TOE1: variants seen among roughly 807,000 people sequenced by gnomAD.
The protein encoded by TOE1 is target of EGR1, exonuclease.
A neutral mutation model predicts 49.2 loss-of-function variants in TOE1; 50 were observed. The ratio of observed to expected loss-of-function variants is 1.02; its 90% CI spans 0.81 to 1.29. TOE1 has a LOEUF of 1.29. TOE1 is among the 50% of genes most tolerant of loss of function. The pLI is 0.00. For synonymous variants in TOE1, 221 were observed against 247.0 expected (o/e 0.89, Z 0.99); for missense variants, 544 against 654.4 (o/e 0.83, Z 1.84).
Position 45,340,302 on chromosome 1 carries a change from A to C in TOE1, c.50A>C (p.Asp17Ala). Residue 17 changes from aspartate to alanine, a missense_variant and splice_region_variant, in exon 1 of 8, where the codon GAC (aspartate) becomes GCC (alanine). Transcript: ENST00000372090. ...DGAVSAPAASDGGVSKSTTSG... is the reference protein window; with the variant it reads ...DGAVSAPAASAGGVSKSTTSG... ...GCAGTTTCAGCTCCCGCAGCTTCCGACGGTGAGCGGCTTCCCAGAGGTAGC... is the reference window on the plus strand; with the variant it reads ...GCAGTTTCAGCTCCCGCAGCTTCCGCCGGTGAGCGGCTTCCCAGAGGTAGC... The C allele has an allele frequency of 6.2e-7, 1 of 1,612,776 alleles. No homozygotes were observed. Among genetic ancestry groups the C allele is most frequent in the Non-Finnish European group, 8.5e-7 (1 of 1,179,666 alleles).
chr1:45,340,362 C>A (rs1646844076), intron 1 of TOE1, 58 bp downstream of exon 1: 2 of 1,571,526 alleles, frequency 1.3e-6, no homozygotes, highest in Non-Finnish European at 1.7e-6. Context: ...GAGGGGAAGG[C>A]CTCGGGCTCA....
At chr1:45,341,380 C>T in intron 3 of TOE1, 37 bp downstream of exon 3, 1 of 1,614,118 alleles carries the variant, frequency 6.2e-7, no homozygotes, top group Non-Finnish European at 8.5e-7. Flanking sequence ...TGCCAGCCCT[C>T]AACTGTGGAG....
rs1156359455 is a variant in TOE1 at position 45,343,364 on chromosome 1, A to C, written c.1195A>C (p.Asn399His). The C allele has an allele frequency of 3.7e-6, 6 of 1,613,968 alleles. No individual in the cohort carries two copies. The highest frequency in any genetic ancestry group is 5.1e-6 in the Non-Finnish European group (6 of 1,180,034). Reference sequence around the variant, plus strand: ...GAACCTGCCTCACTCCAAGCAAGGCAACAAAAATGACTTAGAGATGGGGAT... The same window carrying C: ...GAACCTGCCTCACTCCAAGCAAGGCCACAAAAATGACTTAGAGATGGGGAT... ...TRNLPHSKQG[N>H]KNDLEMGIKA... Residue 399 changes from asparagine (N) to histidine (H), a missense_variant, in exon 8 of 8, where the codon AAC becomes CAC. Transcript: ENST00000372090. The surrounding 1 kb of genome is among the most constrained non-coding windows in gnomAD (Gnocchi z 4.3).
Position 45,343,306 on chromosome 1 carries a change from A to C in TOE1, c.1137A>C (p.Glu379Asp). The C allele has an allele frequency of 6.2e-7, 1 of 1,614,004 alleles. No individual in the cohort carries two copies. The highest frequency in any genetic ancestry group is 1.1e-5 in the South Asian group (1 of 91,080). ...QVCGDSIKPEETEQEVAADET... is the reference protein window; with the variant it reads ...QVCGDSIKPEDTEQEVAADET... ...GTGGGGATAGCATCAAGCCTGAAGAAACCGAGCAGGAGGTGGCTGCCGATG... is the reference window on the plus strand; with the variant it reads ...GTGGGGATAGCATCAAGCCTGAAGACACCGAGCAGGAGGTGGCTGCCGATG... The change falls in exon 8 of 8, where the codon GAA (glutamate) becomes GAC (aspartate). Residue 379 changes from glutamate (E) to aspartate (D), a missense_variant. Glu to Asp is a conservative substitution (Grantham distance 45). Transcript: ENST00000372090. This position sits in a 1 kb window ranked among gnomAD's most constrained non-coding sequence, Gnocchi z 4.3.
In TOE1 at chr1:45,343,851, G is replaced by C. The variant is rs1020508400; in HGVS notation, c.*149G>C. On this transcript the variant is annotated 3_prime_UTR_variant, in exon 8 of 8. Coordinates refer to ENST00000372090, the MANE Select transcript of TOE1 (RefSeq NM_025077.4). The surrounding 1 kb of genome is among the most constrained non-coding windows in gnomAD (Gnocchi z 4.3). ...GCCCTGGACCGCCTCCTTTATCCCA[G>C]TGTTTGAGGTACAAGTAAGAAGGCT... 14 of 865,584 alleles carry C rather than the reference G, an allele frequency of 1.6e-5. No homozygotes were observed. Among genetic ancestry groups the C allele is most frequent in the Non-Finnish European group, 2.5e-5 (14 of 568,012 alleles). The allele number at this position is 865,584 out of a possible 1,614,324, so 53.6% of individuals were successfully genotyped here. A position where few individuals can be genotyped will look rare whatever the true frequency, so the allele number is the denominator to read the frequency against.
chr1:45,342,118 A>C lies in TOE1; in HGVS notation c.492+11A>C. The stretch of plus-strand genomic sequence containing the variant: ...AAGGGCAATGACAAGGTAGGCCTCT[A>C]GCCTCCCTAGCCTTGAGTCTGCCCT... On this transcript the variant is annotated intron_variant, in intron 5 of 7. Transcript: ENST00000372090. The C allele has an allele frequency of 6.2e-7, 1 of 1,612,864 alleles. No homozygotes were observed. Among genetic ancestry groups the C allele is most frequent in the Non-Finnish European group, 8.5e-7 (1 of 1,179,328 alleles).
intron 1 of TOE1, 65 bp from the exon 2 acceptor site, chr1:45,341,008 C>T (rs1467131177): frequency 1.2e-6 from 2 of 1,606,954 alleles, no homozygotes; most frequent in East Asian, 4.5e-5. Context: ...CGTGGCCTAG[C>T]TTGGTGTCTG....
intron 3 of TOE1, 45 bp from the exon 4 acceptor site, chr1:45,341,428 T>C (rs1646964190): frequency 3.1e-6 from 5 of 1,614,000 alleles, no homozygotes; most frequent in Non-Finnish European, 4.2e-6. Context: ...GGGTCCTTCA[T>C]AAGGCTAACT....
chr1:45,341,900 T>C (rs1189978878), intron 4 of TOE1, 49 bp from the exon 5 acceptor site: 1 of 1,596,438 alleles, frequency 6.3e-7, no homozygotes, highest in African/African-American at 1.3e-5. Context: ...TGCATCCTCC[T>C]AGCTTGGCTC....
At chr1:45,340,559 G>A (rs1417670325) in intron 1 of TOE1, 3 of 1,377,224 alleles carry the variant, frequency 2.2e-6, no homozygotes, top group African/African-American at 2.9e-5. Context: ...AGTAATAGTT[G>A]TGATTCAGTT....
chr1:45,341,486 C>T lies in TOE1; in HGVS notation c.250C>T (p.Arg84Cys), dbSNP rs1433886134. 1.2e-6 allele frequency: 2 copies of T among 1,614,054 alleles called. No individual in the cohort carries two copies. The highest frequency in any genetic ancestry group is 2.2e-5 in the East Asian group (1 of 44,868). The change falls in exon 4 of 8, where the codon CGT (arginine) becomes TGT (cysteine). Residue 84 changes from arginine (R) to cysteine (C), a missense_variant. Coordinates refer to ENST00000372090, the MANE Select transcript of TOE1 (RefSeq NM_025077.4). Reference protein sequence around the residue: ...KSLLNQCIEERYKAVCHAART... With the variant: ...KSLLNQCIEECYKAVCHAART... ...CCCAACCCCAAGGTGCATTGAGGAA[C>T]GTTACAAGGCCGTGTGTCATGCTGC...
In TOE1 at chr1:45,340,251, TC is replaced by T; in HGVS notation, c.-1del. ...CGACTCAGGCGGGAGACGAGCGGTG[TC>T]ATGGCCGCCGACAGTGACGATGGCG... is the stretch of plus-strand genomic sequence containing the variant. On this transcript the variant is annotated 5_prime_UTR_variant, in exon 1 of 8. Coordinates refer to ENST00000372090, the MANE Select transcript of TOE1 (RefSeq NM_025077.4). 1 of 1,613,752 alleles carries T rather than the reference TC, an allele frequency of 6.2e-7. No homozygotes were observed. Among genetic ancestry groups the T allele is most frequent in the Non-Finnish European group, 8.5e-7 (1 of 1,180,014 alleles).
At chr1:45,340,440 C>G in intron 1 of TOE1, 136 bp downstream of exon 1, 3 of 1,512,612 alleles carry the variant, frequency 2.0e-6, no homozygotes, top group Non-Finnish European at 2.7e-6. Flanking sequence ...GAGGAGACTA[C>G]AAGTTCCGTT....
chr1:45,340,397 C>T, intron 1 of TOE1, 93 bp downstream of exon 1: 3 of 1,544,278 alleles, frequency 1.9e-6, no homozygotes, highest in Non-Finnish European at 2.6e-6. Flanking sequence ...CCTCAAGCTT[C>T]AGAGGACTGC....
Position 45,343,376 on chromosome 1 carries a change from T to A in TOE1, c.1207T>A (p.Leu403Ile). 6.2e-7 allele frequency: 1 copy of A among 1,613,716 alleles called. No homozygotes were observed. Among genetic ancestry groups the A allele is most frequent in the South Asian group, 1.1e-5 (1 of 91,068 alleles). Residue 403 changes from leucine to isoleucine, a missense_variant, in exon 8 of 8, where the codon TTA (leucine) becomes ATA (isoleucine). Physicochemically the swap from Leu to Ile is conservative, Grantham distance 5. Transcript: ENST00000372090. This position sits in a 1 kb window ranked among gnomAD's most constrained non-coding sequence, Gnocchi z 4.3. ...CTCCAAGCAAGGCAACAAAAATGAC[T>A]TAGAGATGGGGATTAAGGCAGCAAG... is the stretch of plus-strand genomic sequence containing the variant. ...PHSKQGNKND[L>I]EMGIKAARPE...
chr1:45,341,279 AACTCT>A lies in TOE1; in HGVS notation c.196-23_196-19del. 1 of 1,614,176 alleles carries A rather than the reference AACTCT, an allele frequency of 6.2e-7. No homozygotes were observed. The highest frequency in any genetic ancestry group is 1.1e-5 in the South Asian group (1 of 91,084). ...GGGGCTGGTGCTAGAGGCCTGTCACAACTCTCCCTTTACCTACCCACAGGAGCTGA... is the reference window on the plus strand; with the variant it reads ...GGGGCTGGTGCTAGAGGCCTGTCACACCCTTTACCTACCCACAGGAGCTGA... On this transcript the variant is annotated intron_variant, in intron 2 of 7. Coordinates refer to ENST00000372090, the MANE Select transcript of TOE1 (RefSeq NM_025077.4).
chr1:45,340,338 T>C (rs1203481669), intron 1 of TOE1, 34 bp downstream of exon 1: 4 of 1,598,470 alleles, frequency 2.5e-6, no homozygotes, highest in Non-Finnish European at 3.4e-6. Flanking sequence ...CTTCAAAGCC[T>C]CTGCGCTCTG....
In TOE1 at chr1:45,341,631, A is replaced by G. The variant is rs75691543; in HGVS notation, c.333+62A>G. 2.2e-3 allele frequency: 3,163 copies of G among 1,423,584 alleles called. 59 individuals carry two copies. The East Asian group carries it at 0.039, about 18-fold the overall frequency. The allele number at this position is 1,423,584 out of a possible 1,614,324, so 88.2% of individuals were successfully genotyped here. The stretch of plus-strand genomic sequence containing the variant: ...GTGGGGTGGAGGGTAGAGAGATTCT[A>G]GGGAACATCAGATAGGAAGCATTTC... On this transcript the variant is annotated intron_variant, in intron 4 of 7. Coordinates refer to ENST00000372090, the MANE Select transcript of TOE1 (RefSeq NM_025077.4).
At chr1:45,341,673 T>C in intron 4 of TOE1, 104 bp downstream of exon 4, 1 of 1,152,422 alleles carries the variant, frequency 8.7e-7, no homozygotes, top group East Asian at 2.6e-5. Flanking sequence ...AAATCTTTTT[T>C]TTTGACTTGA....
Sources: gnomAD v4.1 joint callset for allele counts on GRCh38, gnomAD v4.1.1 for gene constraint, Gnocchi (gnomAD v3.1) non-coding constraint, MANE v1.5 for transcripts, NCBI Gene and HGNC (gene_info 2026-07-23, HGNC 2026-07-21) for gene names.